FTCDNL1: variants seen among roughly 807,000 people sequenced by gnomAD.
FTCDNL1 encodes the protein formiminotransferase N-terminal subdomain-containing protein.
In FTCDNL1, 11 loss-of-function variants were observed where a neutral mutation model predicts 5.9. The ratio of observed to expected loss-of-function variants is 1.87; its 90% CI spans 1.18 to 3.10. FTCDNL1 has a LOEUF of 3.10. Ranked by LOEUF, FTCDNL1 falls within the 30% of genes most tolerant of loss-of-function variation. The pLI is 0.00. For synonymous variants in FTCDNL1, 58 were observed against 24.8 expected (o/e 2.34, Z -3.99); for missense variants, 115 against 65.5 (o/e 1.76, Z -2.61).
At chr2:199,816,885 C>A (rs1242623461) in intron 4 of FTCDNL1, among the ~76,000 whole-genome samples, 1 of 152,116 alleles carries the variant, frequency 6.6e-6, no homozygotes, top group Non-Finnish European at 1.5e-5. Context: ...TTTTATTTAT[C>A]GTCTGTCTCT....
chr2:199,746,022 A>T, the FTCDNL1 span, among the ~76,000 whole-genome samples: 1 of 152,240 alleles, frequency 6.6e-6, no homozygotes. Context: ...ATTTTACGTG[A>T]CATTAAAATT....
chr2:199,706,824 T>C, the FTCDNL1 span, among the ~76,000 whole-genome samples: 4 of 152,230 alleles, frequency 2.6e-5, no homozygotes, highest in Non-Finnish European at 5.9e-5. Context: ...CCATGTTTAG[T>C]TGTTCCCCAT....
chr2:199,697,976 G>C, the FTCDNL1 span, among the ~76,000 whole-genome samples: 1 of 152,096 alleles, frequency 6.6e-6, no homozygotes, highest in Admixed American at 6.6e-5. Flanking sequence ...GAAAGCAGGG[G>C]TTGCTATTCT....
the FTCDNL1 span, among the ~76,000 whole-genome samples, chr2:199,680,141 G>A: frequency 2.0e-5 from 3 of 152,240 alleles, no homozygotes; most frequent in Non-Finnish European, 2.9e-5. Flanking sequence ...AAAGTAATGC[G>A]CTTAGGTTAA....
At position 199,812,712 on chromosome 2, in the gene FTCDNL1, G is replaced by T. The variant is rs762168170; in HGVS notation, c.410C>A (p.Ala137Glu). 2.9e-6 allele frequency: 2 copies of T among 698,432 alleles called. No individual in the cohort carries two copies. Among genetic ancestry groups the T allele is most frequent in the African/African-American group, 3.5e-5 (2 of 57,042 alleles). The allele number at this position is 698,432 out of a possible 1,614,324, so 43.3% of individuals were successfully genotyped here. A position where few individuals can be genotyped will look rare whatever the true frequency, so the allele number is the denominator to read the frequency against. ...TTTCTTCCAACACAACTGTCACAAC[G>T]CCCTGAAGCAAGCTAAAAACAAGGA... ...QRCGLTACFR[A>E]L is the part of the protein sequence containing the mutation. Residue 137 changes from alanine (A) to glutamate (E), a missense_variant, in exon 5 of 5, where the codon GCG (alanine) becomes GAG (glutamate). Transcript: ENST00000420128.
the FTCDNL1 span, among the ~76,000 whole-genome samples, chr2:199,741,690 C>G: frequency 6.6e-6 from 1 of 151,882 alleles, no homozygotes; most frequent in Non-Finnish European, 1.5e-5. Context: ...CTTTATTGTC[C>G]TCTGGAACTA....
intron 2 of FTCDNL1, among the ~76,000 whole-genome samples, chr2:199,846,411 T>C (rs929680782): frequency 2.0e-5 from 3 of 152,220 alleles, no homozygotes; most frequent in African/African-American, 7.2e-5. Context: ...TAAGAGACAC[T>C]CTTTTGGACT....
chr2:199,737,989 C>T, the FTCDNL1 span, among the ~76,000 whole-genome samples: 14 of 152,228 alleles, frequency 9.2e-5, no homozygotes, highest in South Asian at 8.3e-4. Context: ...AGCTGCCTCA[C>T]GGCACAGGCT....
chr2:199,725,086 A>G, the FTCDNL1 span, among the ~76,000 whole-genome samples: 5 of 152,216 alleles, frequency 3.3e-5, no homozygotes, highest in South Asian at 1.0e-3. Context: ...GCATATATAT[A>G]TAGGATAGTT....
At chr2:199,832,760 A>G (rs931622220) in intron 3 of FTCDNL1, among the ~76,000 whole-genome samples, 1 of 152,132 alleles carries the variant, frequency 6.6e-6, no homozygotes, top group African/African-American at 2.4e-5. Context: ...GAATCACTAA[A>G]AATAATGACA....
At chr2:199,750,107 A>T in the FTCDNL1 span, among the ~76,000 whole-genome samples, 1 of 151,712 alleles carries the variant, frequency 6.6e-6, no homozygotes, top group Non-Finnish European at 1.5e-5. Context: ...TGATCCCAAC[A>T]CTTTGGGAGG....
At chr2:199,689,488 T>C in the FTCDNL1 span, among the ~76,000 whole-genome samples, 1 of 152,160 alleles carries the variant, frequency 6.6e-6, no homozygotes, top group South Asian at 2.1e-4. Context: ...TGCCTACCTG[T>C]TTTTGATCTA....
At chr2:199,718,642 G>T in the FTCDNL1 span, among the ~76,000 whole-genome samples, 2 of 152,050 alleles carry the variant, frequency 1.3e-5, no homozygotes, top group Admixed American at 1.3e-4. Context: ...TGCTGTAAAG[G>T]TTATACTTAT....
At chr2:199,728,885 T>C in the FTCDNL1 span, among the ~76,000 whole-genome samples, 1 of 152,198 alleles carries the variant, frequency 6.6e-6, no homozygotes, top group Admixed American at 6.5e-5. Context: ...TGTGCTTATT[T>C]CCCAGGTTTC....
the FTCDNL1 span, among the ~76,000 whole-genome samples, chr2:199,717,167 A>C: frequency 1.3e-5 from 2 of 152,196 alleles, no homozygotes; most frequent in Non-Finnish European, 2.9e-5. Context: ...TCATTCATGC[A>C]AGTGCCTCCT....
intron 3 of FTCDNL1, among the ~76,000 whole-genome samples, chr2:199,803,100 G>A (rs1353457393): frequency 1.4e-5 from 2 of 147,776 alleles, no homozygotes; most frequent in Admixed American, 7.0e-5. Flanking sequence ...AGGCTGAGGT[G>A]CAAGGATTAT....
At chr2:199,743,789 AG>A in the FTCDNL1 span, among the ~76,000 whole-genome samples, 1 of 152,192 alleles carries the variant, frequency 6.6e-6, no homozygotes, top group African/African-American at 2.4e-5. Context: ...TGATATTTTC[AG>A]AATTGAAGGG....
At chr2:199,717,509 A>ATTTTTTTTTTTTTTTTTTTTTT in the FTCDNL1 span, among the ~76,000 whole-genome samples, 7 of 57,688 alleles carry the variant, frequency 1.2e-4, no homozygotes, top group East Asian at 4.6e-3. Flanking sequence ...CAAGGCAGAG[A>ATTTTTTTTTTTTTTTTTTTTTT]TTTTTTTTTT....
At chr2:199,738,841 T>G in the FTCDNL1 span, among the ~76,000 whole-genome samples, 3 of 152,220 alleles carry the variant, frequency 2.0e-5, no homozygotes, top group Non-Finnish European at 4.4e-5. Context: ...TGTATCCCTC[T>G]CTCAGTACTA....
Sources: allele counts gnomAD v4.1 joint callset (sites outside exome capture counted in the v4.1 genomes callset), GRCh38; gene constraint gnomAD v4.1.1; transcripts MANE v1.5; gene names NCBI Gene and HGNC (gene_info 2026-07-23, HGNC 2026-07-21).